The following UBR1 variants were observed in gnomAD, a reference collection of about 807,000 sequenced individuals.
The protein encoded by UBR1 is E3 ubiquitin-protein ligase UBR1.
UBR1 carries 102 observed loss-of-function variants against 242.1 expected under a neutral mutation model. That is an observed-to-expected ratio of 0.42 (90% CI 0.36 to 0.50). The LOEUF (loss-of-function observed/expected upper bound fraction) is 0.50. UBR1 is among the 20% of genes least tolerant of loss of function. UBR1 has a pLI of 0.01. For missense variants in UBR1, 1,772 were observed against 2,101.8 expected (o/e 0.84, Z 3.07); for synonymous variants, 675 against 684.8 (o/e 0.99, Z 0.22).
intron 6 of UBR1, among the ~76,000 whole-genome samples, chr15:43,065,423 T>C (rs1049048438): frequency 2.0e-5 from 3 of 152,174 alleles, no homozygotes; most frequent in African/African-American, 7.2e-5. Context: ...GGTAAACGTG[T>C]GCCATGGTGG....
At chr15:43,086,715 A>G (rs566554064) in intron 1 of UBR1, among the ~76,000 whole-genome samples, 3 of 152,378 alleles carry the variant, frequency 2.0e-5, no homozygotes, top group African/African-American at 7.2e-5. Flanking sequence ...GCTCTTTAAA[A>G]GAAACTGTTA....
At position 43,070,531 on chromosome 15, in the gene UBR1, TAGAAC is replaced by T. The variant is rs2033811910; in HGVS notation, c.659+259_659+263del. 1.3e-5 allele frequency among the ~76,000 whole-genome samples: 2 copies of T among 152,184 alleles called. 1 individual carries two copies. The highest frequency in any genetic ancestry group is 4.1e-4 in the South Asian group (2 of 4,830). On this transcript the variant is annotated intron_variant, in intron 5 of 46. Coordinates refer to ENST00000290650, the MANE Select transcript of UBR1 (RefSeq NM_174916.3). ...GGCTGCTAGGTCCTTATAAATCATTTAGAACAGGACCCCAAAAATGTTGATTTTTT... is the reference window on the plus strand; with the variant it reads ...GGCTGCTAGGTCCTTATAAATCATTTAGGACCCCAAAAATGTTGATTTTTT...
chr15:42,999,243 C>A (rs868118160), intron 32 of UBR1, among the ~76,000 whole-genome samples: 1 of 152,176 alleles, frequency 6.6e-6, no homozygotes, highest in Non-Finnish European at 1.5e-5. Context: ...CCAACCGAGC[C>A]TTTGCTCTTG....
At chr15:43,045,691 A>G (rs2033476602) in intron 14 of UBR1, among the ~76,000 whole-genome samples, 1 of 152,256 alleles carries the variant, frequency 6.6e-6, no homozygotes, top group Admixed American at 6.5e-5. Flanking sequence ...AAATGGGACA[A>G]GCTAATTGCC....
intron 2 of UBR1, among the ~76,000 whole-genome samples, 171 bp downstream of exon 2, chr15:43,085,813 G>A (rs78936408): frequency 6.6e-6 from 1 of 151,868 alleles, no homozygotes; most frequent in African/African-American, 2.4e-5. Context: ...CTACTTGGGC[G>A]GCTGAGGCAG....
chr15:42,958,064 A>G lies in UBR1; in HGVS notation c.4784T>C (p.Ile1595Thr). 2 of 1,613,658 alleles carry G rather than the reference A, an allele frequency of 1.2e-6. No homozygotes were observed. The highest frequency in any genetic ancestry group is 1.7e-6 in the Non-Finnish European group (2 of 1,179,828). ...VRYPRKRNSL[I>T]ELPDDYSCLL... is the part of the protein sequence containing the mutation. ...GCAGCTATAGTCATCAGGAAGCTCT[A>G]TCAAACTATTTCTTTTTCTAGGGTA... The change falls in exon 44 of 47, where the codon ATA becomes ACA. Residue 1595 changes from isoleucine (I) to threonine (T), a missense_variant. Around this residue, in one of 3 missense-constraint regions of UBR1, gnomAD observed 965 missense variants for 1,079.7 expected, o/e 0.89. Coordinates refer to ENST00000290650, the MANE Select transcript of UBR1 (RefSeq NM_174916.3).
intron 32 of UBR1, among the ~76,000 whole-genome samples, chr15:43,001,766 G>A (rs962318544): frequency 3.9e-5 from 6 of 152,078 alleles, no homozygotes; most frequent in Admixed American, 2.0e-4. Flanking sequence ...ACTACCCAAA[G>A]AGAGATATAT....
intron 1 of UBR1, among the ~76,000 whole-genome samples, chr15:43,089,794 TATC>T (rs2034086440): frequency 1.3e-5 from 2 of 152,042 alleles, no homozygotes; most frequent in South Asian, 2.1e-4. Context: ...CATGAGAAAA[TATC>T]ATACAAACCC....
In UBR1 at chr15:43,037,758, T is replaced by C; in HGVS notation, c.2022+15A>G. 2 of 1,609,670 alleles carry C rather than the reference T, an allele frequency of 1.2e-6. No homozygotes were observed. Among genetic ancestry groups the C allele is most frequent in the South Asian group, 2.2e-5 (2 of 90,968 alleles). ...TGAGCACATTCATAAATATGAATAA[T>C]AGACTTTGCTGTACCTGGCTAATAA... is the stretch of plus-strand genomic sequence containing the variant. On this transcript the variant is annotated intron_variant, in intron 17 of 46. Transcript: ENST00000290650.
At chr15:42,948,634 C>T (rs1185801144) in intron 46 of UBR1, among the ~76,000 whole-genome samples, 2 of 151,808 alleles carry the variant, frequency 1.3e-5, no homozygotes, top group Non-Finnish European at 2.9e-5. Flanking sequence ...CATGAACAGA[C>T]ACTTCTCAAA....
chr15:43,024,294 T>C (rs1027906305), intron 25 of UBR1, among the ~76,000 whole-genome samples: 1 of 152,206 alleles, frequency 6.6e-6, no homozygotes, highest in African/African-American at 2.4e-5. Context: ...TAAATAAATA[T>C]GGTGTTACAA....
chr15:43,004,042 G>A (rs2032765822), intron 30 of UBR1, 112 bp from the exon 31 acceptor site: 3 of 893,304 alleles, frequency 3.4e-6, no homozygotes, highest in East Asian at 2.4e-5. Context: ...ATCATGATAG[G>A]AGGATATATA....
At chr15:43,084,795 G>A (rs1489639327) in intron 2 of UBR1, among the ~76,000 whole-genome samples, 1 of 152,130 alleles carries the variant, frequency 6.6e-6, no homozygotes, top group Middle Eastern at 3.2e-3. Context: ...AATAAAGAAA[G>A]ATAGTATGTT....
At chr15:43,009,821 T>C (rs1398104109) in intron 29 of UBR1, among the ~76,000 whole-genome samples, 4 of 152,338 alleles carry the variant, frequency 2.6e-5, no homozygotes, top group Non-Finnish European at 5.9e-5. Flanking sequence ...TAAATAAATA[T>C]TAATCATCAT....
At chr15:43,098,678 T>C (rs2034189857) in intron 1 of UBR1, among the ~76,000 whole-genome samples, 1 of 152,196 alleles carries the variant, frequency 6.6e-6, no homozygotes, top group Non-Finnish European at 1.5e-5. Context: ...CCTAGACTCT[T>C]AGTTAGTGGG....
At chr15:43,064,927 A>G (rs1459782087) in intron 6 of UBR1, among the ~76,000 whole-genome samples, 1 of 152,074 alleles carries the variant, frequency 6.6e-6, no homozygotes, top group Non-Finnish European at 1.5e-5. Flanking sequence ...AAAAGGCTCC[A>G]TTTTTCTCCT....
rs780364099 is a variant in UBR1 at position 42,966,278 on chromosome 15, C to T, written c.4466G>A (p.Gly1489Glu). ...CAAATACCAGCCAGGAATATCACACCCAATGGAGCTAGGAGACAATAATTC... is the reference window on the plus strand; with the variant it reads ...CAAATACCAGCCAGGAATATCACACTCAATGGAGCTAGGAGACAATAATTC... ...EISQYTSGSI[G>E]CDIPGWYLWV... Residue 1489 changes from glycine (G) to glutamate (E), a missense_variant, in exon 41 of 47, where the codon GGG becomes GAG. This residue lies in a region of UBR1 where 965 missense variants were observed against 1,079.7 expected (regional missense o/e 0.89). Transcript: ENST00000290650. 1 of 1,614,054 alleles carries T rather than the reference C, an allele frequency of 6.2e-7. No homozygotes were observed. Among genetic ancestry groups the T allele is most frequent in the South Asian group, 1.1e-5 (1 of 91,076 alleles).
chr15:42,977,784 G>T, intron 38 of UBR1, 96 bp downstream of exon 38: 8 of 1,077,092 alleles, frequency 7.4e-6, no homozygotes, highest in East Asian at 2.7e-5. Context: ...TAAACACAAA[G>T]AATTTATAAT....
intron 6 of UBR1, 86 bp downstream of exon 6, chr15:43,067,812 A>C: frequency 6.5e-7 from 1 of 1,549,432 alleles, no homozygotes. Context: ...CAGACCTAGC[A>C]CAATACTGAG....
Sources: gnomAD v4.1 joint callset for allele counts (sites outside exome capture counted in the v4.1 genomes callset) on GRCh38, gnomAD v4.1.1 for gene constraint, gnomAD v4.1.1 regional missense constraint, MANE v1.5 for transcripts, NCBI Gene and HGNC (gene_info 2026-07-23, HGNC 2026-07-21) for gene names.